Variants in COBLL1 observed in about 807,000 individuals in gnomAD.
COBLL1 encodes cordon-bleu protein-like 1.
A neutral mutation model predicts 94.8 loss-of-function variants in COBLL1; 50 were observed. The observed-to-expected ratio is 0.53, with a 90% CI of 0.42 to 0.67. The LOEUF is 0.67. Among genes scored for constraint, COBLL1 ranks in the 30% least tolerant of loss-of-function variants. The pLI is 0.00. For missense variants in COBLL1, 1,362 were observed against 1,348.7 expected, an observed-to-expected ratio of 1.01 and a Z score of -0.15; for synonymous variants, 448 against 473.8, an observed-to-expected ratio of 0.95 and a Z score of 0.71.
intron 2 of COBLL1, among the ~76,000 whole-genome samples, chr2:164,815,896 C>A (rs915902655): frequency 1.3e-5 from 2 of 151,960 alleles, no homozygotes; most frequent in Non-Finnish European, 2.9e-5. Context: ...TACCCTTCTT[C>A]GCAAAAAGTA....
chr2:164,772,207 A>C (rs1173664251), intron 2 of COBLL1, among the ~76,000 whole-genome samples: 1 of 150,062 alleles, frequency 6.7e-6, no homozygotes, highest in African/African-American at 2.5e-5. Flanking sequence ...TTTTATTTTT[A>C]AAATAAAACA....
chr2:164,804,571 G>A (rs966094590), intron 2 of COBLL1, among the ~76,000 whole-genome samples: 2 of 152,018 alleles, frequency 1.3e-5, no homozygotes, highest in Admixed American at 6.6e-5. Flanking sequence ...AGATCTGATC[G>A]TTTCTTATAA....
intron 2 of COBLL1, among the ~76,000 whole-genome samples, chr2:164,754,221 T>C (rs1687279361): frequency 6.6e-6 from 1 of 152,138 alleles, no homozygotes; most frequent in African/African-American, 2.4e-5. Context: ...AAAATAATAT[T>C]TTTATATACT....
Position 164,695,660 on chromosome 2 carries a change from C to T in COBLL1, c.1732G>A (p.Glu578Lys). ...HETDTAISYKENHLAASSVPD... is the reference protein window; with the variant it reads ...HETDTAISYKKNHLAASSVPD... ...ACTGATGAAGCTGCTAGATGGTTTT[C>T]CTTGTAACTTATAGCAGTATCAGTT... Residue 578 changes from glutamate (E) to lysine (K), a missense_variant, in exon 12 of 14, where the codon GAA (glutamate) becomes AAA (lysine). Glu to Lys is a moderately conservative substitution (Grantham distance 56). Transcript: ENST00000652658. The T allele has an allele frequency of 6.2e-7, 1 of 1,613,786 alleles. No homozygotes were observed. The highest frequency in any genetic ancestry group is 8.5e-7 in the Non-Finnish European group (1 of 1,179,854).
At chr2:164,758,795 G>T (rs1021577249) in intron 2 of COBLL1, among the ~76,000 whole-genome samples, 5 of 151,556 alleles carry the variant, frequency 3.3e-5, no homozygotes, top group South Asian at 2.1e-4. Flanking sequence ...CTTTAAAAAG[G>T]TTAAATTATT....
At chr2:164,805,971 A>G (rs1006040020) in intron 2 of COBLL1, among the ~76,000 whole-genome samples, 2 of 151,898 alleles carry the variant, frequency 1.3e-5, no homozygotes, top group African/African-American at 4.8e-5. Context: ...GTTGCTCTAC[A>G]CTCTCTCCAG....
intron 7 of COBLL1, among the ~76,000 whole-genome samples, chr2:164,712,533 T>G (rs1167608527): frequency 6.6e-6 from 1 of 152,124 alleles, no homozygotes; most frequent in Non-Finnish European, 1.5e-5. Flanking sequence ...GACATTAATT[T>G]ATGGTATTTG....
chr2:164,741,073 C>T (rs1263573584), intron 3 of COBLL1, among the ~76,000 whole-genome samples: 4 of 151,832 alleles, frequency 2.6e-5, no homozygotes, highest in Non-Finnish European at 4.4e-5. Flanking sequence ...GTCAGGAGTT[C>T]GAGACCAGCC....
At chr2:164,672,621 C>G (rs1369098630) in intron 1 of COBLL1, among the ~76,000 whole-genome samples, 3 of 148,168 alleles carry the variant, frequency 2.0e-5, no homozygotes, top group African/African-American at 5.1e-5. Context: ...ATGGCGTGAA[C>G]CCGGGAAGCG....
chr2:164,792,319 G>A (rs1383310279), intron 2 of COBLL1, among the ~76,000 whole-genome samples: 4 of 151,924 alleles, frequency 2.6e-5, no homozygotes, highest in African/African-American at 9.7e-5. Flanking sequence ...TGTATAGATG[G>A]GGTCTCACTA....
chr2:164,777,911 T>C (rs779181735), intron 2 of COBLL1, among the ~76,000 whole-genome samples: 1 of 152,216 alleles, frequency 6.6e-6, no homozygotes, highest in Non-Finnish European at 1.5e-5. Context: ...TGAATTTTTA[T>C]GTAAAATTTT....
At chr2:164,792,266 C>G (rs748755477) in intron 2 of COBLL1, among the ~76,000 whole-genome samples, 1 of 151,966 alleles carries the variant, frequency 6.6e-6, no homozygotes, top group African/African-American at 2.4e-5. Context: ...GTAGCTGGAA[C>G]TACAGGTGTG....
At chr2:164,746,700 C>A (rs982039944) in intron 2 of COBLL1, among the ~76,000 whole-genome samples, 1 of 151,898 alleles carries the variant, frequency 6.6e-6, no homozygotes, top group African/African-American at 2.4e-5. Context: ...ATCAAACCAT[C>A]GCAAGCAGGA....
At chr2:164,713,134 A>C (rs1353541227) in intron 7 of COBLL1, among the ~76,000 whole-genome samples, 1 of 151,748 alleles carries the variant, frequency 6.6e-6, no homozygotes, top group Admixed American at 6.6e-5. Context: ...CTTCCTCCAC[A>C]CTCCTGAAAA....
Position 164,841,813 on chromosome 2 carries a change from A to G in COBLL1, c.-154T>C. 4.9e-6 allele frequency: 3 copies of G among 615,118 alleles called. No homozygotes were observed. Among genetic ancestry groups the G allele is most frequent in the Non-Finnish European group, 8.2e-6 (3 of 366,422 alleles). The allele number at this position is 615,118 out of a possible 1,614,324, so 38.1% of individuals were successfully genotyped here. On this transcript the variant is annotated 5_prime_UTR_variant, in exon 1 of 14. Coordinates refer to ENST00000652658, the MANE Select transcript of COBLL1 (RefSeq NM_001365672.2). This position sits in a 1 kb window ranked among gnomAD's most constrained non-coding sequence, Gnocchi z 5.5. ...GCTCTTGCCGCTCGGCTCTCAAGCC[A>G]GGACTTGAATGGAGAAGCGGCAACC... is the stretch of plus-strand genomic sequence containing the variant.
rs1355991128 is a variant in COBLL1 at position 164,681,535 on chromosome 2, A to G, written c.*4411T>C. The G allele has an allele frequency of 6.6e-6, 1 of 152,290 alleles. No individual in the cohort carries two copies. Among genetic ancestry groups the G allele is most frequent in the Non-Finnish European group, 1.5e-5 (1 of 68,120 alleles). The allele number at this position is 152,290 out of a possible 1,614,324, so 9.4% of individuals were successfully genotyped here. A position where few individuals can be genotyped will look rare whatever the true frequency, so the allele number is the denominator to read the frequency against. On this transcript the variant is annotated 3_prime_UTR_variant, in exon 14 of 14. Coordinates refer to ENST00000652658, the MANE Select transcript of COBLL1 (RefSeq NM_001365672.2). Reference sequence around the variant, plus strand: ...AGAGGAGCTGCAAAGTCACACAGCAAAAGGTACGGATGCAAGAGAGGGAAA... The same window carrying G: ...AGAGGAGCTGCAAAGTCACACAGCAGAAGGTACGGATGCAAGAGAGGGAAA...
At chr2:164,814,985 C>T (rs374688841) in intron 2 of COBLL1, among the ~76,000 whole-genome samples, 1 of 152,084 alleles carries the variant, frequency 6.6e-6, no homozygotes, top group Admixed American at 6.6e-5. Context: ...GTTAACTTAC[C>T]GTGTTGACTT....
rs570951068 is a variant in COBLL1, at chr2:164,722,511, T to C, written c.673A>G (p.Ile225Val). The C allele has an allele frequency of 1.3e-6, 2 of 1,493,908 alleles. No individual in the cohort carries two copies. Among genetic ancestry groups the C allele is most frequent in the South Asian group, 1.4e-5 (1 of 72,316 alleles). The allele number at this position is 1,493,908 out of a possible 1,614,324, so 92.5% of individuals were successfully genotyped here. The change falls in exon 6 of 14, where the codon ATA becomes GTA. Residue 225 changes from isoleucine (I) to valine (V), a missense_variant. Physicochemically the swap from Ile to Val is conservative, Grantham distance 29. Transcript: ENST00000652658. ...TTCATAATATCTAGGTTTTGTGATA[T>C]TTGGCAGGACTCTAAAATAGAAGAA... The part of the protein sequence containing the change: ...AMDVNRESCQ[I>V]SQNLDIMKEK...
intron 2 of COBLL1, chr2:164,773,609 G>C (rs1313644153): frequency 7.3e-6 from 3 of 412,004 alleles, no homozygotes; most frequent in Admixed American, 4.4e-5. Flanking sequence ...AATGTGCAAG[G>C]GTAATCATAG....
Sources: gnomAD v4.1 joint callset for allele counts (sites outside exome capture counted in the v4.1 genomes callset) on GRCh38, gnomAD v4.1.1 for gene constraint, Gnocchi (gnomAD v3.1) non-coding constraint, MANE v1.5 for transcripts, NCBI Gene and HGNC (gene_info 2026-07-23, HGNC 2026-07-21) for gene names.